ABCA13: variants seen among roughly 807,000 people sequenced by gnomAD.
ABCA13 encodes ATP-binding cassette sub-family A member 13.
A neutral mutation model predicts 478.7 loss-of-function variants in ABCA13; 476 were observed. That is an observed-to-expected ratio of 0.99 (90% confidence interval 0.92 to 1.07). The LOEUF (loss-of-function observed/expected upper bound fraction) is 1.07, where lower values mean the gene tolerates loss of function less well. ABCA13 is among the 50% of genes least tolerant of loss of function. ABCA13 has a pLI of 0.00. For missense variants in ABCA13, 6,060 were observed against 5,910.6 expected (o/e 1.03, Z -0.83); for synonymous variants, 2,252 against 2,158.9 (o/e 1.04, Z -1.20).
chr7:48,322,435 C>T (rs1441745520), intron 27 of ABCA13, among the ~76,000 whole-genome samples: 1 of 152,224 alleles, frequency 6.6e-6, no homozygotes. Flanking sequence ...CCTCACCTGA[C>T]CACTGTGTTG....
At chr7:48,529,075 C>G (rs1050800417) in intron 55 of ABCA13, among the ~76,000 whole-genome samples, 2 of 152,178 alleles carry the variant, frequency 1.3e-5, no homozygotes, top group Non-Finnish European at 2.9e-5. Flanking sequence ...GGGCATGGTG[C>G]CTTCACGCCC....
At chr7:48,302,630 G>C (rs1275331556) in intron 23 of ABCA13, among the ~76,000 whole-genome samples, 1 of 152,126 alleles carries the variant, frequency 6.6e-6, no homozygotes, top group Non-Finnish European at 1.5e-5. Flanking sequence ...ATTTGCTGAC[G>C]ATAATGGCCT....
chr7:48,581,156 G>A (rs1438687364), intron 56 of ABCA13, among the ~76,000 whole-genome samples: 3 of 152,164 alleles, frequency 2.0e-5, no homozygotes, highest in Non-Finnish European at 4.4e-5. Context: ...TTCTGAACTA[G>A]AAGCAGAAAT....
intron 38 of ABCA13, among the ~76,000 whole-genome samples, chr7:48,398,965 C>T (rs1179678377): frequency 6.6e-6 from 1 of 152,046 alleles, no homozygotes; most frequent in Non-Finnish European, 1.5e-5. Flanking sequence ...ACCGTAAATG[C>T]TGTTGAGGGT....
intron 1 of ABCA13, among the ~76,000 whole-genome samples, chr7:48,172,428 A>G (rs1332174494): frequency 6.6e-6 from 1 of 152,242 alleles, no homozygotes; most frequent in African/African-American, 2.4e-5. Context: ...GAAATAAAAT[A>G]CAAGTTAAAG....
At chr7:48,360,505 G>T (rs555537952) in intron 31 of ABCA13, among the ~76,000 whole-genome samples, 2 of 151,888 alleles carry the variant, frequency 1.3e-5, no homozygotes, top group African/African-American at 2.4e-5. Context: ...TATTTCTGAG[G>T]TTACTGAGAC....
chr7:48,389,338 A>T (rs1815685915), intron 37 of ABCA13, 118 bp downstream of exon 37: 2 of 1,146,456 alleles, frequency 1.7e-6, no homozygotes, highest in Admixed American at 5.7e-5. Context: ...GTCTCAATAC[A>T]GAGTTTAGAG....
At chr7:48,592,648 A>G (rs1193448821) in intron 57 of ABCA13, among the ~76,000 whole-genome samples, 1 of 151,884 alleles carries the variant, frequency 6.6e-6, no homozygotes, top group Non-Finnish European at 1.5e-5. Flanking sequence ...CTGACTGGTT[A>G]TTCAATGTAT....
In ABCA13 at chr7:48,507,972, A is replaced by G; in HGVS notation, c.13447A>G (p.Ile4483Val). Residue 4483 changes from isoleucine to valine, a missense_variant, in exon 50 of 62, where the codon ATT becomes GTT. Physicochemically the swap from Ile to Val is conservative, Grantham distance 29 (BLOSUM62 3). This residue lies in a region of ABCA13 where 1,627 missense variants were observed against 1,571.0 expected (regional missense o/e 1.04). Coordinates refer to ENST00000435803, the MANE Select transcript of ABCA13 (RefSeq NM_152701.5). ...CAGCTCTGTGGTGAGGGACAGGGTG[A>G]TTGGAGCCAAAAGGTTGCAGCACAT... The part of the protein sequence containing the change: ...IGSSVVRDRV[I>V]GAKRLQHISG... 6.2e-7 allele frequency: 1 copy of G among 1,613,794 alleles called. No homozygotes were observed. The highest frequency in any genetic ancestry group is 2.2e-5 in the East Asian group (1 of 44,800).
At position 48,644,653 on chromosome 7, in the gene ABCA13, A is replaced by G. The variant is rs369887792; in HGVS notation, c.14980A>G (p.Lys4994Glu). Reference sequence around the variant, plus strand: ...GAATTTATTAGAATATCATGTGCCAAAAAGATGGGGATGCCTAGCTGACTT... The same window carrying G: ...GAATTTATTAGAATATCATGTGCCAGAAAGATGGGGATGCCTAGCTGACTT... ...HLNLLEYHVP[K>E]RWGCLADLFK... The change falls in exon 61 of 62, where the codon AAA becomes GAA. Residue 4994 changes from lysine (K) to glutamate (E), a missense_variant. Around this residue, in one of 3 missense-constraint regions of ABCA13, gnomAD observed 1,627 missense variants for 1,571.0 expected, o/e 1.04. Transcript: ENST00000435803. 2.5e-6 allele frequency: 4 copies of G among 1,612,500 alleles called. No homozygotes were observed. The African/African-American group carries it at 4.0e-5, about 16-fold the overall frequency.
intron 55 of ABCA13, among the ~76,000 whole-genome samples, chr7:48,547,951 A>G (rs1784968138): frequency 6.6e-6 from 1 of 151,888 alleles, no homozygotes; most frequent in South Asian, 2.1e-4. Flanking sequence ...TAAGTTGAGA[A>G]GCATTTGTAT....
chr7:48,273,894 T>G lies in ABCA13; in HGVS notation c.4228T>G (p.Ser1410Ala). Residue 1410 changes from serine to alanine, a missense_variant, in exon 17 of 62, where the codon TCC (serine) becomes GCC (alanine). Transcript: ENST00000435803. Reference protein sequence around the residue: ...VINHLYLLSNSSFSQGHLQNI... With the variant: ...VINHLYLLSNASFSQGHLQNI... ...AAACCATTTGTATTTGTTGTCTAAC[T>G]CCAGTTTTTCACAAGGTCATCTTCA... The G allele has an allele frequency of 6.2e-7, 1 of 1,612,964 alleles. No individual in the cohort carries two copies. The highest frequency in any genetic ancestry group is 1.1e-5 in the South Asian group (1 of 91,008).
intron 16 of ABCA13, among the ~76,000 whole-genome samples, chr7:48,269,887 C>G (rs1795364287): frequency 6.6e-6 from 1 of 152,120 alleles, no homozygotes; most frequent in African/African-American, 2.4e-5. Context: ...TTAAGCCCAG[C>G]TATTAGTAGG....
intron 27 of ABCA13, among the ~76,000 whole-genome samples, chr7:48,323,616 AT>A (rs2128914839): frequency 6.6e-6 from 1 of 152,336 alleles, no homozygotes; most frequent in East Asian, 1.9e-4. Flanking sequence ...AGGTACTAAT[AT>A]CCCCATTCTA....
rs148889383 is a variant in ABCA13 at position 48,577,612 on chromosome 7, A to G, written c.14355-2612A>G. On this transcript the variant is annotated intron_variant, in intron 55 of 61. Transcript: ENST00000435803. Reference sequence around the variant, plus strand: ...AACTAATGACCATAAAAGCAAAAGCACTAGACTTAGGTGATCTCACTGGTG... The same window carrying G: ...AACTAATGACCATAAAAGCAAAAGCGCTAGACTTAGGTGATCTCACTGGTG... Among the ~76,000 whole-genome samples, 14 of 152,260 alleles carry G rather than the reference A, an allele frequency of 9.2e-5. No homozygotes were observed. In the East Asian group the frequency reaches 2.7e-3, roughly 29 times the overall value.
intron 42 of ABCA13, among the ~76,000 whole-genome samples, chr7:48,447,932 A>G (rs1824500881): frequency 6.6e-6 from 1 of 152,212 alleles, no homozygotes; most frequent in African/African-American, 2.4e-5. Context: ...GCTCAGGTTG[A>G]AGAGAAGATT....
At chr7:48,418,437 A>G (rs1010715559) in intron 41 of ABCA13, among the ~76,000 whole-genome samples, 2 of 152,200 alleles carry the variant, frequency 1.3e-5, no homozygotes, top group Non-Finnish European at 2.9e-5. Context: ...CTGATGACAT[A>G]TGATGTGGAG....
intron 47 of ABCA13, 23 bp downstream of exon 47, chr7:48,483,186 T>C (rs765389617): frequency 1.3e-6 from 2 of 1,585,460 alleles, no homozygotes; most frequent in East Asian, 4.6e-5. Context: ...TTTTATTTTT[T>C]TCCTGTTTTA....
intron 31 of ABCA13, among the ~76,000 whole-genome samples, chr7:48,358,488 A>G (rs1810319820): frequency 2.0e-5 from 3 of 151,966 alleles, no homozygotes; most frequent in Admixed American, 2.0e-4. Flanking sequence ...CAAATTCCAA[A>G]ACACCCTCAT....
Sources: gnomAD v4.1 joint callset for allele counts (sites outside exome capture counted in the v4.1 genomes callset) on GRCh38, gnomAD v4.1.1 for gene constraint, gnomAD v4.1.1 regional missense constraint, MANE v1.5 for transcripts, NCBI Gene and HGNC (gene_info 2026-07-23, HGNC 2026-07-21) for gene names.